The following ELMO1 variants were observed in gnomAD, a reference collection of about 807,000 sequenced individuals.
The protein encoded by ELMO1 is engulfment and cell motility 1.
In ELMO1, 26 loss-of-function variants were observed where a neutral mutation model predicts 98.9. The observed-to-expected ratio is 0.26, with a 90% CI of 0.19 to 0.36. The LOEUF (loss-of-function observed/expected upper bound fraction) is 0.36, where lower values mean the gene tolerates loss of function less well. Ranked by LOEUF, ELMO1 falls within the 10% of genes least tolerant of loss-of-function variation. The probability of loss-of-function intolerance (pLI) is 1.00; values close to 1 mark genes in which losing one functional copy is unlikely to be tolerated. For missense variants in ELMO1, 627 were observed against 935.2 expected, an observed-to-expected ratio of 0.67 and a Z score of 4.30; for synonymous variants, 346 against 346.0, an observed-to-expected ratio of 1.00 and a Z score of 0.00.
chr7:36,907,898 C>T (rs1000337697), intron 16 of ELMO1, among the ~76,000 whole-genome samples: 1 of 152,218 alleles, frequency 6.6e-6, no homozygotes, highest in Non-Finnish European at 1.5e-5. Flanking sequence ...GCACTATCCT[C>T]CATCTCCTAT....
At chr7:37,222,728 C>A in intron 9 of ELMO1, 35 bp from the exon 10 acceptor site, 1 of 1,601,616 alleles carries the variant, frequency 6.2e-7, no homozygotes, top group Non-Finnish European at 8.5e-7. Context: ...AAAATCAGAA[C>A]ACGAAGTCAG....
chr7:36,875,371 C>T (rs73689666), intron 19 of ELMO1, among the ~76,000 whole-genome samples: 2,492 of 152,276 alleles, frequency 0.016, 25 homozygotes, highest in Middle Eastern at 0.02. Flanking sequence ...TACTAGTACA[C>T]ACACACTCTC....
At chr7:37,133,481 A>G (rs1423155076) in intron 13 of ELMO1, among the ~76,000 whole-genome samples, 2 of 152,202 alleles carry the variant, frequency 1.3e-5, no homozygotes, top group African/African-American at 2.4e-5. Context: ...ATATTCAAAC[A>G]TAGGATTATT....
At chr7:36,863,434 CATT>C (rs1802790582) in intron 20 of ELMO1, among the ~76,000 whole-genome samples, 2 of 152,054 alleles carry the variant, frequency 1.3e-5, no homozygotes, top group Admixed American at 6.6e-5. Flanking sequence ...AAATTCATAT[CATT>C]CTTTTTAAAA....
chr7:37,421,569 G>A (rs1452126915), intron 1 of ELMO1, among the ~76,000 whole-genome samples: 4 of 152,194 alleles, frequency 2.6e-5, no homozygotes, highest in Admixed American at 2.0e-4. Flanking sequence ...GCTAAGAACA[G>A]TCAAGCCTGG....
chr7:36,879,919 T>C (rs1397576203), intron 18 of ELMO1, among the ~76,000 whole-genome samples: 1 of 152,054 alleles, frequency 6.6e-6, no homozygotes, highest in African/African-American at 2.4e-5. Context: ...TACTTATGGG[T>C]TTTTCATGAG....
chr7:37,031,132 G>C (rs1794856909), intron 15 of ELMO1, among the ~76,000 whole-genome samples: 1 of 152,054 alleles, frequency 6.6e-6, no homozygotes, highest in African/African-American at 2.4e-5. Context: ...TCCGGATTAA[G>C]ACAAAAGGCT....
At chr7:37,343,018 G>A (rs58411794) in intron 1 of ELMO1, 3,359 of 283,512 alleles carry the variant, frequency 0.012, 107 homozygotes, top group African/African-American at 0.07. Flanking sequence ...CACGGCTTGC[G>A]CGAATCTTCA....
In ELMO1 at chr7:37,187,810, C is replaced by A. The variant is rs1791307855; in HGVS notation, c.1086+23576G>T. 2.0e-5 allele frequency among the ~76,000 whole-genome samples: 3 copies of A among 152,088 alleles called. No homozygotes were observed. The South Asian group carries it at 6.2e-4, about 32-fold the overall frequency. ...TTTGTGTAGACTAAAAACTGTTAAG[C>A]ACTTGAATTCACAGTGACTGAGACA... On this transcript the variant is annotated intron_variant, in intron 13 of 21. Coordinates refer to ENST00000310758, the MANE Select transcript of ELMO1 (RefSeq NM_014800.11).
intron 15 of ELMO1, among the ~76,000 whole-genome samples, chr7:37,042,776 G>C (rs1795593444): frequency 6.6e-6 from 1 of 152,022 alleles, no homozygotes; most frequent in Non-Finnish European, 1.5e-5. Context: ...ACTCCTCATG[G>C]CTGCTTTCTT....
At chr7:37,079,773 A>G (rs1797767574) in intron 15 of ELMO1, among the ~76,000 whole-genome samples, 1 of 151,242 alleles carries the variant, frequency 6.6e-6, no homozygotes, top group Non-Finnish European at 1.5e-5. Context: ...GCCCCACTCA[A>G]CTCCTTCCCC....
At chr7:37,433,459 T>C (rs1417857162) in intron 1 of ELMO1, among the ~76,000 whole-genome samples, 1 of 152,114 alleles carries the variant, frequency 6.6e-6, no homozygotes, top group East Asian at 1.9e-4. Context: ...ACACATATCA[T>C]ATGGTCCAGG....
intron 15 of ELMO1, among the ~76,000 whole-genome samples, chr7:37,046,744 C>T (rs986391640): frequency 3.3e-5 from 5 of 152,136 alleles, no homozygotes; most frequent in Non-Finnish European, 7.4e-5. Context: ...TTTCTTAGGT[C>T]AAGAAGGGGC....
chr7:37,351,204 C>T (rs2131296621), intron 1 of ELMO1: 1 of 152,272 alleles, frequency 6.6e-6, no homozygotes, highest in South Asian at 2.1e-4. Context: ...TAGCATGACC[C>T]ATGTGTAATT....
At chr7:37,080,667 G>A (rs1304749367) in intron 15 of ELMO1, among the ~76,000 whole-genome samples, 1 of 140,360 alleles carries the variant, frequency 7.1e-6, no homozygotes, top group Non-Finnish European at 1.5e-5. Context: ...TGGCCAGGCT[G>A]GTCTTGAACT....
At chr7:36,887,763 A>T in intron 17 of ELMO1, 91 bp from the exon 18 acceptor site, 1 of 1,125,164 alleles carries the variant, frequency 8.9e-7, no homozygotes, top group South Asian at 1.3e-5. Flanking sequence ...AGGGGAGAAC[A>T]AGTGCATCTT....
chr7:36,985,108 C>A lies in ELMO1; in HGVS notation c.1437+28191G>T, dbSNP rs899296192. The A allele has an allele frequency of 4.1e-6, 4 of 985,300 alleles. No homozygotes were observed. The South Asian group carries it at 1.4e-4, about 35-fold the overall frequency. The allele number at this position is 985,300 out of a possible 1,614,324, so 61.0% of individuals were successfully genotyped here. A position where few individuals can be genotyped will look rare whatever the true frequency, so the allele number is the denominator to read the frequency against. Reference sequence around the variant, plus strand: ...TCTTGTTCTTCCTGTTTCTACCCAACGAAATTGAAAATTTCATCACCAGTG... The same window carrying A: ...TCTTGTTCTTCCTGTTTCTACCCAAAGAAATTGAAAATTTCATCACCAGTG... On this transcript the variant is annotated intron_variant, in intron 16 of 21. Coordinates refer to ENST00000310758, the MANE Select transcript of ELMO1 (RefSeq NM_014800.11).
chr7:37,082,795 T>C (rs1047280398), intron 15 of ELMO1, among the ~76,000 whole-genome samples: 3 of 152,172 alleles, frequency 2.0e-5, no homozygotes, highest in Non-Finnish European at 4.4e-5. Flanking sequence ...CTGAGAGTCG[T>C]CACACCTGCA....
intron 13 of ELMO1, among the ~76,000 whole-genome samples, chr7:37,183,278 A>G (rs904964745): frequency 1.3e-5 from 2 of 152,202 alleles, no homozygotes; most frequent in Non-Finnish European, 2.9e-5. Flanking sequence ...AAATACATCA[A>G]ACAAAAATAA....
Sources: gnomAD v4.1 joint callset for allele counts (sites outside exome capture counted in the v4.1 genomes callset) on GRCh38, gnomAD v4.1.1 for gene constraint, MANE v1.5 for transcripts, NCBI Gene and HGNC (gene_info 2026-07-23, HGNC 2026-07-21) for gene names.